Variants in NALF1 observed in about 807,000 individuals in gnomAD.
The protein encoded by NALF1 is family with sequence similarity 155 member A.
In NALF1, 3 loss-of-function variants were observed where a neutral mutation model predicts 48.4. That is an observed-to-expected ratio of 0.06 (90% CI 0.03 to 0.16). NALF1 has a LOEUF of 0.16. NALF1 is among the 10% of genes least tolerant of loss of function. The pLI is 1.00. For synonymous variants in NALF1, 262 were observed against 245.7 expected (o/e 1.07, Z -0.62); for missense variants, 526 against 571.5 (o/e 0.92, Z 0.81).
At position 107,485,121 on chromosome 13, in the gene NALF1, G is replaced by C. The variant is rs80318889; in HGVS notation, c.916-274366C>G. Among the ~76,000 whole-genome samples the C allele has an allele frequency of 2.0e-5, 3 of 152,238 alleles. No homozygotes were observed. In the East Asian group the frequency reaches 5.8e-4, roughly 29 times the overall value. ...CTAAACGTACAGCTATGACCTAAGT[G>C]TTATGAAGCAGGGCTGCATTTGTAA... On this transcript the variant is annotated intron_variant, in intron 1 of 2. Transcript: ENST00000375915.
intron 1 of NALF1, among the ~76,000 whole-genome samples, chr13:107,785,445 C>T (rs1305025637): frequency 6.6e-6 from 1 of 152,162 alleles, no homozygotes; most frequent in Non-Finnish European, 1.5e-5. Flanking sequence ...TGAAGTAACT[C>T]AGGTATGGAA....
At chr13:107,463,544 C>T (rs1041007369) in intron 1 of NALF1, among the ~76,000 whole-genome samples, 7 of 152,154 alleles carry the variant, frequency 4.6e-5, no homozygotes, top group African/African-American at 1.4e-4. Flanking sequence ...TGTTGTTTTG[C>T]TTTGTTTTTG....
At chr13:107,495,879 C>A (rs995896609) in intron 1 of NALF1, among the ~76,000 whole-genome samples, 16 of 152,042 alleles carry the variant, frequency 1.1e-4, no homozygotes, top group African/African-American at 3.9e-4. Flanking sequence ...AAACCAGAAA[C>A]CTACATGCTG....
At chr13:107,652,346 T>A (rs1880469490) in intron 1 of NALF1, among the ~76,000 whole-genome samples, 1 of 152,202 alleles carries the variant, frequency 6.6e-6, no homozygotes, top group African/African-American at 2.4e-5. Context: ...TTTAACATAT[T>A]TAAATGTTAT....
chr13:107,393,686 T>TCCG (rs1489523274), intron 1 of NALF1, among the ~76,000 whole-genome samples: 1 of 152,180 alleles, frequency 6.6e-6, no homozygotes, highest in Non-Finnish European at 1.5e-5. Context: ...AATGTTTATG[T>TCCG]CCGCCAGCCA....
At chr13:107,474,368 T>C (rs1885146770) in intron 1 of NALF1, among the ~76,000 whole-genome samples, 1 of 152,150 alleles carries the variant, frequency 6.6e-6, no homozygotes, top group Non-Finnish European at 1.5e-5. Context: ...ATTGTGTTAG[T>C]TTTTAGCTCC....
At chr13:107,846,984 G>C (rs926474127) in intron 1 of NALF1, among the ~76,000 whole-genome samples, 5 of 152,036 alleles carry the variant, frequency 3.3e-5, no homozygotes, top group Admixed American at 3.3e-4. Context: ...TTAGGAAACA[G>C]ACTTCTAAAG....
rs1276001385 is a variant in NALF1, at chr13:107,866,307, C to T, written c.290G>A (p.Arg97Gln). The T allele has an allele frequency of 3.7e-6, 6 of 1,607,168 alleles. No individual in the cohort carries two copies. The highest frequency in any genetic ancestry group is 3.3e-5 in the Admixed American group (2 of 59,704). ...CGCGGGCCAGGAGGGCTCCTGCTGC[C>T]GCCGCTGCTGCTGCTGCTGCTGCCG... The part of the protein sequence containing the change: ...RQRQQQQQQR[R>Q]QQEPSWPALL... Residue 97 changes from arginine to glutamine, a missense_variant, in exon 1 of 3, where the codon CGG (arginine) becomes CAG (glutamine). Around this residue, in one of 2 missense-constraint regions of NALF1, gnomAD observed 373 missense variants for 355.5 expected, o/e 1.05. Transcript: ENST00000375915. This position sits in a 1 kb window ranked among gnomAD's most constrained non-coding sequence, Gnocchi z 4.4.
intron 1 of NALF1, among the ~76,000 whole-genome samples, chr13:107,302,438 A>AT (rs953465510): frequency 6.0e-5 from 9 of 151,072 alleles, no homozygotes; most frequent in South Asian, 2.1e-4. Flanking sequence ...TCATTTCAAA[A>AT]TTTTTTTTTT....
intron 2 of NALF1, among the ~76,000 whole-genome samples, chr13:107,176,876 T>C (rs1878950332): frequency 6.6e-6 from 1 of 151,960 alleles, no homozygotes; most frequent in African/African-American, 2.4e-5. Context: ...GCAGATGATA[T>C]AATTTTGTTT....
At position 107,476,269 on chromosome 13, in the gene NALF1, G is replaced by A. The variant is rs535875306; in HGVS notation, c.916-265514C>T. On this transcript the variant is annotated intron_variant, in intron 1 of 2. Transcript: ENST00000375915. ...CTTATCAAATCCACTCATCAAAGGC[G>A]GTGATTATAAAATAAAATATTCCAA... Among the ~76,000 whole-genome samples the A allele has an allele frequency of 7.8e-4, 118 of 152,040 alleles. 1 individual carries two copies. The South Asian group carries it at 1.0e-2, about 13-fold the overall frequency.
intron 1 of NALF1, among the ~76,000 whole-genome samples, chr13:107,781,671 T>A (rs75870036): frequency 1.3e-5 from 2 of 151,940 alleles, no homozygotes; most frequent in Non-Finnish European, 2.9e-5. Context: ...ATTAGATCCA[T>A]CCTCAGGATC....
rs143412686 is a variant in NALF1 at position 107,229,723 on chromosome 13, A to G, written c.916-18968T>C. ...CTGACTCAGGGAGCAGAGATCATTAAGAACACATTTAAGTGCTTAATTGGG... is the reference window on the plus strand; with the variant it reads ...CTGACTCAGGGAGCAGAGATCATTAGGAACACATTTAAGTGCTTAATTGGG... On this transcript the variant is annotated intron_variant, in intron 1 of 2. Coordinates refer to ENST00000375915, the MANE Select transcript of NALF1 (RefSeq NM_001080396.3). Among the ~76,000 whole-genome samples the G allele has an allele frequency of 1.5e-3, 234 of 152,306 alleles. 4 individuals carry two copies. In the East Asian group the frequency reaches 0.021, roughly 13 times the overall value.
At chr13:107,245,329 A>G (rs566141835) in intron 1 of NALF1, among the ~76,000 whole-genome samples, 1 of 152,354 alleles carries the variant, frequency 6.6e-6, no homozygotes, top group Admixed American at 6.5e-5. Flanking sequence ...TGTCTCTAGT[A>G]TAAAGTGAAG....
intron 1 of NALF1, among the ~76,000 whole-genome samples, chr13:107,821,010 C>T (rs188170011): frequency 9.9e-5 from 15 of 152,152 alleles, no homozygotes; most frequent in Non-Finnish European, 1.8e-4. Flanking sequence ...AACACAAGCA[C>T]GAATTCCAGT....
Position 107,303,737 on chromosome 13 carries a change from AT to A in NALF1, c.916-92983del, listed in dbSNP as rs1000162131. Among the ~76,000 whole-genome samples, 235 of 151,820 alleles carry A rather than the reference AT, an allele frequency of 1.5e-3. 1 individual carries two copies. Among genetic ancestry groups the A allele is most frequent in the African/African-American group, 5.2e-3 (215 of 41,424 alleles). On this transcript the variant is annotated intron_variant, in intron 1 of 2. Coordinates refer to ENST00000375915, the MANE Select transcript of NALF1 (RefSeq NM_001080396.3). ...AGCATTAAGTGTTCTCTTCAAGAAA[AT>A]TTTTTTTTAATCTCCTGAACAATTT...
At chr13:107,610,756 C>T (rs913614102) in intron 1 of NALF1, among the ~76,000 whole-genome samples, 14 of 152,188 alleles carry the variant, frequency 9.2e-5, no homozygotes, top group Middle Eastern at 3.4e-3. Context: ...TGAGCCTATG[C>T]GCAGGGAATG....
chr13:107,254,404 G>A (rs1369396132), intron 1 of NALF1, among the ~76,000 whole-genome samples: 2 of 152,192 alleles, frequency 1.3e-5, no homozygotes, highest in Non-Finnish European at 2.9e-5. Context: ...GAGATGGCAC[G>A]ATCTGCAGGG....
At chr13:107,815,016 T>C (rs777707068) in intron 1 of NALF1, among the ~76,000 whole-genome samples, 7 of 152,152 alleles carry the variant, frequency 4.6e-5, no homozygotes, top group South Asian at 2.1e-4. Context: ...AAATGGATCA[T>C]AGACCTAAAA....
Sources: allele counts gnomAD v4.1 joint callset (sites outside exome capture counted in the v4.1 genomes callset), GRCh38; gene constraint gnomAD v4.1.1; regional missense constraint gnomAD v4.1.1; non-coding constraint Gnocchi (gnomAD v3.1); transcripts MANE v1.5; gene names NCBI Gene and HGNC (gene_info 2026-07-23, HGNC 2026-07-21).